Variants in SYNE3 observed in about 807,000 individuals in gnomAD.
SYNE3 encodes nesprin-3.
Under a neutral mutation model 111.2 loss-of-function variants are expected in SYNE3, and 100 were observed. That is an observed-to-expected ratio of 0.90 (90% confidence interval 0.77 to 1.06). The LOEUF (loss-of-function observed/expected upper bound fraction) is 1.06, where lower values mean the gene tolerates loss of function less well. Among genes scored for constraint, SYNE3 ranks in the 50% least tolerant of loss-of-function variants. The pLI, the probability that SYNE3 is intolerant of heterozygous loss-of-function variation, is 0.00. For synonymous variants in SYNE3, 547 were observed against 533.9 expected (o/e 1.02, Z -0.34); for missense variants, 1,160 against 1,240.3 (o/e 0.94, Z 0.97).
In SYNE3 at chr14:95,446,050, C is replaced by A; in HGVS notation, c.1491G>T (p.Thr497=). 1.9e-6 allele frequency: 3 copies of A among 1,614,138 alleles called. No homozygotes were observed. Among genetic ancestry groups the A allele is most frequent in the Non-Finnish European group, 2.5e-6 (3 of 1,180,018 alleles). Residue 497 remains threonine, a synonymous_variant, in exon 9 of 18, where the codon ACG becomes ACT. Coordinates refer to ENST00000682763, the MANE Select transcript of SYNE3 (RefSeq NM_152592.6). The part of the protein sequence containing the change: ...MESSRLKELL[T]MLQLKKDLLI... Reference sequence around the variant, plus strand: ...GGAGGTCTTTCTTCAGCTGCAGCATCGTCAGCAGCTCTTTCAGGCGGGAGC... The same window carrying A: ...GGAGGTCTTTCTTCAGCTGCAGCATAGTCAGCAGCTCTTTCAGGCGGGAGC...
At position 95,411,492 on chromosome 14, in the gene SYNE3, AGTGGGAAAGGTTG is replaced by A. The variant is rs943242117; in HGVS notation, c.*6321_*6333del. The A allele has an allele frequency of 6.6e-6, 1 of 151,996 alleles. No individual in the cohort carries two copies. Among genetic ancestry groups the A allele is most frequent in the African/African-American group, 2.4e-5 (1 of 41,354 alleles). The allele number at this position is 151,996 out of a possible 1,614,324, so 9.4% of individuals were successfully genotyped here. On this transcript the variant is annotated 3_prime_UTR_variant, in exon 18 of 18. Coordinates refer to ENST00000682763, the MANE Select transcript of SYNE3 (RefSeq NM_152592.6). The stretch of plus-strand genomic sequence containing the variant: ...AGGTCCATTGGGTCAGAGAGTGGGG[AGTGGGAAAGGTTG>A]GTGATCAACTATTTTGATGTCTGTC...
chr14:95,408,858 C>T lies in SYNE3; in HGVS notation c.*8968G>A, dbSNP rs1169641215. ...AGGCAGAGACCGCGCAAAGCCAACT[C>T]TGTCCTCTGCCTGCCCCCGCAAGGG... On this transcript the variant is annotated 3_prime_UTR_variant, in exon 18 of 18. Coordinates refer to ENST00000682763, the MANE Select transcript of SYNE3 (RefSeq NM_152592.6). 5.9e-6 allele frequency: 2 copies of T among 336,734 alleles called. No homozygotes were observed. Among genetic ancestry groups the T allele is most frequent in the Admixed American group, 4.0e-5 (1 of 24,708 alleles). 20.9% of individuals were successfully genotyped at this position (336,734 alleles called of 1,614,324 possible).
intron 11 of SYNE3, among the ~76,000 whole-genome samples, chr14:95,442,645 C>T (rs893099630): frequency 6.6e-5 from 10 of 152,174 alleles, no homozygotes; most frequent in Non-Finnish European, 1.0e-4. Flanking sequence ...ATCCCTACTG[C>T]TGGAAGGGGA....
At chr14:95,452,070 G>T in intron 7 of SYNE3, 177 bp downstream of exon 7, 1 of 717,188 alleles carries the variant, frequency 1.4e-6, no homozygotes, top group Non-Finnish European at 2.1e-6. Context: ...ATGCAAAACA[G>T]TCAAAGGGGA....
chr14:95,471,963 G>A (rs572864633), intron 2 of SYNE3, among the ~76,000 whole-genome samples: 2 of 152,340 alleles, frequency 1.3e-5, no homozygotes, highest in African/African-American at 2.4e-5. Flanking sequence ...ATTATGCTGA[G>A]TGCTAGGGTC....
chr14:95,461,881 G>A (rs1054149026), intron 4 of SYNE3, among the ~76,000 whole-genome samples: 1 of 152,236 alleles, frequency 6.6e-6, no homozygotes, highest in African/African-American at 2.4e-5. Flanking sequence ...TGGGTATGTG[G>A]AGTGCCCACC....
At chr14:95,479,890 C>T (rs940547156) in intron 1 of SYNE3, among the ~76,000 whole-genome samples, 1 of 152,042 alleles carries the variant, frequency 6.6e-6, no homozygotes, top group African/African-American at 2.4e-5. Context: ...AGGAGGGAAG[C>T]ACTCTGCACT....
In SYNE3 at chr14:95,499,437, C is replaced by T. The variant is rs1890238439; in HGVS notation, c.-15+17159G>A. Among the ~76,000 whole-genome samples, 4 of 152,134 alleles carry T rather than the reference C, an allele frequency of 2.6e-5. No individual in the cohort carries two copies. The South Asian group carries it at 8.3e-4, about 32-fold the overall frequency. The stretch of plus-strand genomic sequence containing the variant: ...ACCACCTGTGGCTCCCTGTATGCAT[C>T]ATTTCTCCCCTTTGCTCCTGCTGGT... On this transcript the variant is annotated intron_variant, in intron 1 of 17. Transcript: ENST00000682763.
chr14:95,497,505 A>G (rs1054170993), intron 1 of SYNE3, among the ~76,000 whole-genome samples: 2 of 152,204 alleles, frequency 1.3e-5, no homozygotes, highest in Non-Finnish European at 2.9e-5. Context: ...TGTGACATCC[A>G]CCCACTCTAC....
At position 95,431,239 on chromosome 14, in the gene SYNE3, G is replaced by A. The variant is rs576692216; in HGVS notation, c.2727+840C>T. On this transcript the variant is annotated intron_variant, in intron 17 of 17. Transcript: ENST00000682763. ...GGGAGACACCCCAGGCCCCAGGGAA[G>A]TCTTCTCCAAGTCACAACGTGGAAG... Among the ~76,000 whole-genome samples the A allele has an allele frequency of 1.7e-4, 26 of 152,350 alleles. No individual in the cohort carries two copies. The South Asian group carries it at 4.1e-3, about 24-fold the overall frequency.
intron 12 of SYNE3, 61 bp downstream of exon 12, chr14:95,439,853 G>A (rs1886310589): frequency 6.3e-7 from 1 of 1,591,424 alleles, no homozygotes. Context: ...TCCTTGGTGT[G>A]GGAACGTTGG....
rs1328182067 is a variant in SYNE3 at position 95,470,660 on chromosome 14, A to C, written c.145-2693T>G. Among the ~76,000 whole-genome samples, 5 of 76,802 alleles carry C rather than the reference A, an allele frequency of 6.5e-5. No individual in the cohort carries two copies. Among genetic ancestry groups the C allele is most frequent in the African/African-American group, 2.5e-4 (4 of 16,064 alleles). The allele number at this position is 76,802 out of a possible 152,430, so 50.4% of individuals were successfully genotyped here. The stretch of plus-strand genomic sequence containing the variant: ...GGCAAGAACCTGTCACTAAAAAACT[A>C]AAAATAAGAAAAAAAAGAGCCGGAT... On this transcript the variant is annotated intron_variant, in intron 2 of 17. Coordinates refer to ENST00000682763, the MANE Select transcript of SYNE3 (RefSeq NM_152592.6). This position sits in a 1 kb window ranked among gnomAD's most constrained non-coding sequence, Gnocchi z 4.2.
At chr14:95,487,012 A>C (rs1889584034) in intron 1 of SYNE3, among the ~76,000 whole-genome samples, 1 of 152,066 alleles carries the variant, frequency 6.6e-6, no homozygotes, top group South Asian at 2.1e-4. Flanking sequence ...GTGTTTCCAG[A>C]ATATTAGAGT....
At chr14:95,433,148 G>A (rs2139374985) in intron 16 of SYNE3, 112 bp downstream of exon 16, 1 of 1,449,030 alleles carries the variant, frequency 6.9e-7, no homozygotes. Flanking sequence ...TGTCTGGTGT[G>A]TGAATGCACA....
At chr14:95,478,123 G>A (rs1267333001) in intron 1 of SYNE3, among the ~76,000 whole-genome samples, 1 of 152,130 alleles carries the variant, frequency 6.6e-6, no homozygotes, top group Non-Finnish European at 1.5e-5. Context: ...TGAGCAGGCG[G>A]GGATGCTCAG....
In SYNE3 at chr14:95,445,858, T is replaced by G. The variant is rs140803073; in HGVS notation, c.1632+51A>C. 425 of 1,596,814 alleles carry G rather than the reference T, an allele frequency of 2.7e-4. 5 individuals are homozygous for G. The East Asian group carries it at 9.4e-3, about 35-fold the overall frequency. ...GGCCATCTGCCTCCCCAGTGGGTGC[T>G]CCAGCCCCGTGGCCAAGCCAAGTCC... On this transcript the variant is annotated intron_variant, in intron 9 of 17. Transcript: ENST00000682763.
At chr14:95,487,083 C>T (rs994748617) in intron 1 of SYNE3, among the ~76,000 whole-genome samples, 1 of 152,156 alleles carries the variant, frequency 6.6e-6, no homozygotes, top group East Asian at 1.9e-4. Flanking sequence ...CTGCCCCACC[C>T]GCCCCTCCGC....
At chr14:95,455,331 G>A (rs1308365600) in intron 6 of SYNE3, 46 bp downstream of exon 6, 1 of 1,446,968 alleles carries the variant, frequency 6.9e-7, no homozygotes, top group Admixed American at 2.6e-5. Flanking sequence ...AGGACCCTGG[G>A]CACAGACAGC....
At chr14:95,427,098 C>T (rs1238552058) in intron 17 of SYNE3, among the ~76,000 whole-genome samples, 1 of 151,970 alleles carries the variant, frequency 6.6e-6, no homozygotes, top group Non-Finnish European at 1.5e-5. Context: ...AAAACCAGGC[C>T]ATACAGAGAT....
Sources: gnomAD v4.1 joint callset for allele counts (sites outside exome capture counted in the v4.1 genomes callset) on GRCh38, gnomAD v4.1.1 for gene constraint, Gnocchi (gnomAD v3.1) non-coding constraint, MANE v1.5 for transcripts, NCBI Gene and HGNC (gene_info 2026-07-23, HGNC 2026-07-21) for gene names.